The following FHIT variants were observed in gnomAD, a reference collection of about 807,000 sequenced individuals.
FHIT encodes the protein fragile histidine triad diadenosine triphosphatase.
FHIT carries 19 observed loss-of-function variants against 17.9 expected under a neutral mutation model. The observed-to-expected ratio is 1.06, with a 90% CI of 0.74 to 1.56. FHIT has a LOEUF of 1.56. FHIT is among the 40% of genes most tolerant of loss of function. The probability of loss-of-function intolerance (pLI) is 0.00; values close to 1 mark genes in which losing one functional copy is unlikely to be tolerated. For missense variants in FHIT, 248 were observed against 189.2 expected, an observed-to-expected ratio of 1.31 and a Z score of -1.82; for synonymous variants, 81 against 69.7, an observed-to-expected ratio of 1.16 and a Z score of -0.81.
At chr3:60,940,001 A>T (rs1708341860) in intron 3 of FHIT, among the ~76,000 whole-genome samples, 1 of 152,168 alleles carries the variant, frequency 6.6e-6, no homozygotes, top group South Asian at 2.1e-4. Context: ...ACCATGTCTG[A>T]ATTATTATAA....
chr3:59,858,236 C>CTTTTTTTTT (rs563841299), intron 8 of FHIT, among the ~76,000 whole-genome samples: 2 of 84,454 alleles, frequency 2.4e-5, no homozygotes, highest in Non-Finnish European at 2.1e-5. Flanking sequence ...TTCCCACCTT[C>CTTTTTTTTT]TTTTTTTTTT....
intron 7 of FHIT, among the ~76,000 whole-genome samples, chr3:59,992,421 A>G (rs894116963): frequency 1.3e-5 from 2 of 152,106 alleles, no homozygotes; most frequent in Non-Finnish European, 2.9e-5. Context: ...GGATATTTCA[A>G]TTGGACCGAT....
At chr3:60,862,004 C>G (rs1043639089) in intron 3 of FHIT, among the ~76,000 whole-genome samples, 2 of 146,522 alleles carry the variant, frequency 1.4e-5, no homozygotes, top group Non-Finnish European at 3.0e-5. Context: ...ATGATTAAAA[C>G]AAAAACAAAC....
At chr3:60,744,630 T>G (rs1337601638) in intron 4 of FHIT, among the ~76,000 whole-genome samples, 3 of 152,186 alleles carry the variant, frequency 2.0e-5, no homozygotes, top group Non-Finnish European at 2.9e-5. Context: ...GTGTCCTGCA[T>G]TTTGAACAGT....
At chr3:60,201,168 C>G (rs931998070) in intron 5 of FHIT, among the ~76,000 whole-genome samples, 1 of 152,100 alleles carries the variant, frequency 6.6e-6, no homozygotes, top group South Asian at 2.1e-4. Context: ...TTAACCACCA[C>G]TATGTATAAC....
At chr3:60,416,079 T>C (rs1348562991) in intron 5 of FHIT, among the ~76,000 whole-genome samples, 2 of 151,522 alleles carry the variant, frequency 1.3e-5, no homozygotes, top group East Asian at 3.9e-4. Context: ...ATGCAGTTAA[T>C]AAAATAGTGG....
intron 3 of FHIT, among the ~76,000 whole-genome samples, chr3:60,848,775 AT>A (rs1164515168): frequency 1.8e-4 from 28 of 152,220 alleles, no homozygotes; most frequent in Non-Finnish European, 3.4e-4. Flanking sequence ...ACTGGTAGCT[AT>A]TTTTTATTGT....
chr3:60,808,792 CT>C (rs1553735201), intron 4 of FHIT, among the ~76,000 whole-genome samples: 1 of 152,300 alleles, frequency 6.6e-6, no homozygotes, highest in Non-Finnish European at 1.5e-5. Flanking sequence ...GTTCTCCCCC[CT>C]GATTTCTTAG....
intron 5 of FHIT, among the ~76,000 whole-genome samples, chr3:60,514,419 C>A (rs1033638469): frequency 6.6e-6 from 1 of 152,208 alleles, no homozygotes. Flanking sequence ...CAGCAGTGGG[C>A]TGAGTAAAAC....
At chr3:60,428,750 G>C (rs1378478788) in intron 5 of FHIT, among the ~76,000 whole-genome samples, 1 of 152,098 alleles carries the variant, frequency 6.6e-6, no homozygotes, top group Non-Finnish European at 1.5e-5. Context: ...CTCTTAATGA[G>C]AAAGTCCCTT....
intron 4 of FHIT, among the ~76,000 whole-genome samples, chr3:60,551,917 A>G (rs2036572953): frequency 6.6e-6 from 1 of 151,984 alleles, no homozygotes; most frequent in Non-Finnish European, 1.5e-5. Context: ...AAATTGTACA[A>G]TTATCATAAC....
At chr3:60,003,104 CT>C (rs1401378593) in intron 7 of FHIT, among the ~76,000 whole-genome samples, 3 of 152,106 alleles carry the variant, frequency 2.0e-5, no homozygotes, top group African/African-American at 7.2e-5. Flanking sequence ...TTAAAATGCA[CT>C]TTAAATAATA....
At chr3:60,302,699 G>T (rs10510836) in intron 5 of FHIT, among the ~76,000 whole-genome samples, 18,462 of 152,046 alleles carry the variant, frequency 0.12, 1,165 homozygotes, top group South Asian at 0.14. Flanking sequence ...TTTCACTGAC[G>T]TCTAACACAT....
At chr3:60,241,076 G>A (rs776186297) in intron 5 of FHIT, among the ~76,000 whole-genome samples, 2 of 152,064 alleles carry the variant, frequency 1.3e-5, no homozygotes, top group African/African-American at 2.4e-5. Context: ...AGCTAGGGAT[G>A]CACTTGCAAC....
At chr3:60,949,205 C>T (rs1553776518) in intron 3 of FHIT, among the ~76,000 whole-genome samples, 1 of 152,116 alleles carries the variant, frequency 6.6e-6, no homozygotes, top group African/African-American at 2.4e-5. Flanking sequence ...GTCAGTAATC[C>T]CCCTACCAAA....
intron 1 of FHIT, among the ~76,000 whole-genome samples, chr3:61,213,338 A>C (rs567348150): frequency 3.5e-4 from 54 of 152,338 alleles, no homozygotes; most frequent in Middle Eastern, 3.4e-3. Context: ...AAAACAAAAA[A>C]AGGCAGGGGT....
At chr3:59,922,210 A>T in intron 8 of FHIT, 136 bp downstream of exon 8, 8 of 769,376 alleles carry the variant, frequency 1.0e-5, no homozygotes, top group Middle Eastern at 2.3e-4. Context: ...CTTGGCCTCT[A>T]TTGCCACTTT....
intron 8 of FHIT, among the ~76,000 whole-genome samples, chr3:59,871,493 A>G (rs556590189): frequency 7.9e-5 from 12 of 151,754 alleles, no homozygotes; most frequent in Non-Finnish European, 1.3e-4. Flanking sequence ...CCTCCACCCC[A>G]TTTTTCAGAT....
intron 3 of FHIT, among the ~76,000 whole-genome samples, chr3:60,887,962 A>C (rs1553759683): frequency 1.3e-5 from 2 of 152,220 alleles, no homozygotes; most frequent in African/African-American, 4.8e-5. Flanking sequence ...ACTCTTAGTG[A>C]ACTCTGATCC....
Sources: gnomAD v4.1 joint callset for allele counts (sites outside exome capture counted in the v4.1 genomes callset) on GRCh38, gnomAD v4.1.1 for gene constraint, MANE v1.5 for transcripts, NCBI Gene and HGNC (gene_info 2026-07-23, HGNC 2026-07-21) for gene names.